Variants in ZNF343 observed in about 807,000 individuals in gnomAD.
ZNF343 encodes zinc finger protein 343.
In ZNF343, 11 loss-of-function variants were observed where a neutral mutation model predicts 13.8. The observed-to-expected ratio is 0.80, with a 90% confidence interval of 0.50 to 1.32. ZNF343 has a LOEUF of 1.32. ZNF343 is among the 40% of genes most tolerant of loss of function. The pLI, the probability that ZNF343 is intolerant of heterozygous loss-of-function variation, is 0.00. For synonymous variants in ZNF343, 248 were observed against 260.0 expected (o/e 0.95, Z 0.44); for missense variants, 658 against 714.2 (o/e 0.92, Z 0.90).
intron 1 of ZNF343, among the ~76,000 whole-genome samples, chr20:2,514,894 C>T (rs1004727263): frequency 6.6e-6 from 1 of 151,988 alleles, no homozygotes; most frequent in Admixed American, 6.6e-5. Context: ...GAGGCTGAGG[C>T]ACGAGAATTG....
chr20:2,496,731 T>C (rs1473539039), intron 2 of ZNF343, among the ~76,000 whole-genome samples: 1 of 151,778 alleles, frequency 6.6e-6, no homozygotes, highest in African/African-American at 2.4e-5. Context: ...AGTTGTGAGA[T>C]GAAAAAAAAA....
upstream of ZNF343, among the ~76,000 whole-genome samples, chr20:2,513,203 A>T (rs1159790477): frequency 6.6e-6 from 1 of 152,234 alleles, no homozygotes; most frequent in Non-Finnish European, 1.5e-5. Flanking sequence ...AATATTTGCA[A>T]ATCATATATC....
intron 1 of ZNF343, among the ~76,000 whole-genome samples, chr20:2,521,892 C>T (rs1468376860): frequency 6.6e-6 from 1 of 152,184 alleles, no homozygotes; most frequent in Non-Finnish European, 1.5e-5. Context: ...GGAGGGGCTC[C>T]CCCTAGCGAG....
chr20:2,482,703 G>A lies in ZNF343; in HGVS notation c.*458C>T, dbSNP rs1217393067. ...GTGTCCCCACATGCAGATTCTCCCT[G>A]TGGTGTGTGATCACAAAAGCTTTGC... On this transcript the variant is annotated 3_prime_UTR_variant, in exon 6 of 6. Transcript: ENST00000278772. 5.8e-6 allele frequency: 1 copy of A among 173,510 alleles called. No homozygotes were observed. The highest frequency in any genetic ancestry group is 2.4e-5 in the African/African-American group (1 of 41,832). 10.7% of individuals were successfully genotyped at this position (173,510 alleles called of 1,614,324 possible). A position where few individuals can be genotyped will look rare whatever the true frequency, so the allele number is the denominator to read the frequency against.
At chr20:2,501,041 A>G (rs915960563) in intron 1 of ZNF343, among the ~76,000 whole-genome samples, 4 of 152,158 alleles carry the variant, frequency 2.6e-5, no homozygotes, top group Non-Finnish European at 4.4e-5. Context: ...GCAAGGGGTC[A>G]GGGAATTCCT....
At chr20:2,495,927 G>T (rs1308039216) in intron 2 of ZNF343, among the ~76,000 whole-genome samples, 1 of 152,122 alleles carries the variant, frequency 6.6e-6, no homozygotes, top group Non-Finnish European at 1.5e-5. Flanking sequence ...TGATCCGTCT[G>T]CCTCGGCCTC....
At chr20:2,521,958 A>G (rs530612988) in intron 1 of ZNF343, among the ~76,000 whole-genome samples, 2 of 152,370 alleles carry the variant, frequency 1.3e-5, no homozygotes, top group African/African-American at 4.8e-5. Flanking sequence ...TTGCACATGT[A>G]AAGTTACAAA....
Position 2,484,247 on chromosome 20 carries a change from A to C in ZNF343, c.714T>G (p.Phe238Leu). 2 of 1,614,226 alleles carry C rather than the reference A, an allele frequency of 1.2e-6. No individual in the cohort carries two copies. Among genetic ancestry groups the C allele is most frequent in the Non-Finnish European group, 1.7e-6 (2 of 1,180,042 alleles). The part of the protein sequence containing the change: ...KGLKELETLR[F>L]GAINCREYEP... ...CATACTCTCTACAGTTGATTGCTCC[A>C]AATCTCAAGGTTTCTAATTCCTTCA... is the stretch of plus-strand genomic sequence containing the variant. The change falls in exon 6 of 6, where the codon TTT becomes TTG. Residue 238 changes from phenylalanine (F) to leucine (L), a missense_variant. By Grantham distance (22) the Phe-to-Leu change is conservative. Coordinates refer to ENST00000278772, the MANE Select transcript of ZNF343 (RefSeq NM_024325.6).
upstream of ZNF343, among the ~76,000 whole-genome samples, chr20:2,512,919 CAAAAAA>C (rs71193970): frequency 1.7e-4 from 21 of 125,332 alleles, no homozygotes; most frequent in African/African-American, 5.4e-4. Flanking sequence ...ATTTCTCTAC[CAAAAAA>C]AAAAAAAAAA....
At chr20:2,505,499 A>G (rs1005648377) in intron 1 of ZNF343, among the ~76,000 whole-genome samples, 1 of 152,206 alleles carries the variant, frequency 6.6e-6, no homozygotes, top group African/African-American at 2.4e-5. Context: ...TCCTAAGCAA[A>G]AAGAACAAAG....
At position 2,496,941 on chromosome 20, in the gene ZNF343, A is replaced by G. The variant is rs1044149706; in HGVS notation, c.-149-2897T>C. ...ACTAAAAATACAAAATTAGCCGGGC[A>G]TGGTGGCACATGCCTGTAATCCCAG... On this transcript the variant is annotated intron_variant, in intron 2 of 5. Transcript: ENST00000278772. Among the ~76,000 whole-genome samples, 70 of 152,240 alleles carry G rather than the reference A, an allele frequency of 4.6e-4. 1 individual carries two copies. Among genetic ancestry groups the G allele is most frequent in the African/African-American group, 1.5e-3 (64 of 41,542 alleles).
At position 2,514,046 on chromosome 20, in the gene ZNF343, C is replaced by T. The variant is rs149248302; in HGVS notation, c.-347+10409G>A. On this transcript the variant is annotated intron_variant, in intron 1 of 6. Transcript: ENST00000358413. ...GGGCGATGAAAATATTCTGGAATTGCCATAACGGGATGTCTTAATTGGAGA... is the reference window on the plus strand; with the variant it reads ...GGGCGATGAAAATATTCTGGAATTGTCATAACGGGATGTCTTAATTGGAGA... Among the ~76,000 whole-genome samples, 445 of 151,914 alleles carry T rather than the reference C, an allele frequency of 2.9e-3. 2 individuals are homozygous for T. Among genetic ancestry groups the T allele is most frequent in the African/African-American group, 9.8e-3 (405 of 41,442 alleles).
At chr20:2,491,702 G>A (rs2085367534) in intron 5 of ZNF343, 1 of 152,128 alleles carries the variant, frequency 6.6e-6, no homozygotes, top group Non-Finnish European at 1.5e-5. Flanking sequence ...GTTTATGGCT[G>A]CAACTCAATG....
chr20:2,502,786 C>T (rs1167614721), intron 1 of ZNF343, among the ~76,000 whole-genome samples: 1 of 152,164 alleles, frequency 6.6e-6, no homozygotes, highest in Non-Finnish European at 1.5e-5. Flanking sequence ...ACCACCAGGC[C>T]TGCCCTAAAA....
In ZNF343 at chr20:2,516,765, C is replaced by G. The variant is rs369293858; in HGVS notation, c.-347+7690G>C. On this transcript the variant is annotated intron_variant, in intron 1 of 6. Coordinates refer to the ZNF343 transcript ENST00000358413. The stretch of plus-strand genomic sequence containing the variant: ...CAGGTCCAGTGTATGAGGCTTAGGT[C>G]AGGTTTAAGGCAAGGGTTGGGATAA... Among the ~76,000 whole-genome samples the G allele has an allele frequency of 2.0e-4, 31 of 151,934 alleles. 1 individual carries two copies. In the South Asian group the frequency reaches 6.5e-3, roughly 32 times the overall value.
At chr20:2,499,104 C>A (rs144696648) in intron 2 of ZNF343, among the ~76,000 whole-genome samples, 3 of 149,904 alleles carry the variant, frequency 2.0e-5, no homozygotes, top group Admixed American at 2.0e-4. Flanking sequence ...GGATTACAGG[C>A]GTGAGCCACC....
intron 5 of ZNF343, among the ~76,000 whole-genome samples, chr20:2,486,981 T>C (rs1448193901): frequency 6.6e-6 from 1 of 152,186 alleles, no homozygotes; most frequent in Non-Finnish European, 1.5e-5. Flanking sequence ...TGCCATTGTA[T>C]AACAAAAGCA....
In ZNF343 at chr20:2,517,166, T is replaced by C. The variant is rs2085762765; in HGVS notation, c.-347+7289A>G. 1.3e-5 allele frequency among the ~76,000 whole-genome samples: 2 copies of C among 152,226 alleles called. 1 individual carries two copies. The highest frequency in any genetic ancestry group is 4.1e-4 in the South Asian group (2 of 4,832). ...ATGTTTCATTGTGCATTAGAGCATATTTAAATGAAACCAAGCTGTTTATGT... is the reference window on the plus strand; with the variant it reads ...ATGTTTCATTGTGCATTAGAGCATACTTAAATGAAACCAAGCTGTTTATGT... On this transcript the variant is annotated intron_variant, in intron 1 of 6. Transcript: ENST00000358413.
rs770374478 is a variant in ZNF343 at position 2,483,566 on chromosome 20, A to C, written c.1395T>G (p.Tyr465Ter). ...HERTHSGEKP[Y>*]VCGECGRGFS... ...AGCCTCGGCCACACTCACCACACAC[A>C]TAAGGCTTCTCTCCAGAGTGCGTCC... Residue 465 changes from tyrosine to a stop codon, truncating the protein, a stop_gained, in exon 6 of 6, where the codon TAT becomes TAG. Coordinates refer to ENST00000278772, the MANE Select transcript of ZNF343 (RefSeq NM_024325.6). LOFTEE classifies it low-confidence loss of function (END_TRUNC). The C allele has an allele frequency of 6.2e-7, 1 of 1,603,564 alleles. No homozygotes were observed. The highest frequency in any genetic ancestry group is 8.5e-7 in the Non-Finnish European group (1 of 1,176,898).
Sources: allele counts gnomAD v4.1 joint callset (sites outside exome capture counted in the v4.1 genomes callset), GRCh38; gene constraint gnomAD v4.1.1; transcripts MANE v1.5; gene names NCBI Gene and HGNC (gene_info 2026-07-23, HGNC 2026-07-21).